Variants in LRRC45 observed in about 807,000 individuals in gnomAD.
The protein encoded by LRRC45 is leucine rich repeat containing 45, also known as leucine-rich repeat-containing protein 45.
LRRC45 carries 73 observed loss-of-function variants against 85.4 expected under a neutral mutation model. That is an observed-to-expected ratio of 0.85 (90% CI 0.71 to 1.04). LRRC45 has a LOEUF of 1.04. Among genes scored for constraint, LRRC45 ranks in the 50% least tolerant of loss-of-function variants. The pLI, the probability that LRRC45 is intolerant of heterozygous loss-of-function variation, is 0.00. For synonymous variants in LRRC45, 429 were observed against 386.0 expected (o/e 1.11, Z -1.31); for missense variants, 937 against 883.3 (o/e 1.06, Z -0.77).
At chr17:82,028,198 G>GT in intron 9 of LRRC45, 36 bp from the exon 10 acceptor site, 1 of 1,560,930 alleles carries the variant, frequency 6.4e-7, no homozygotes, top group Non-Finnish European at 8.7e-7. Context: ...TGGCGGCTTC[G>GT]TGACCCTCAC....
chr17:82,027,009 C>T lies in LRRC45; in HGVS notation c.772C>T (p.Gln258Ter), dbSNP rs779588893. 2 of 1,594,156 alleles carry T rather than the reference C, an allele frequency of 1.3e-6. No homozygotes were observed. Among genetic ancestry groups the T allele is most frequent in the Admixed American group, 3.5e-5 (2 of 56,752 alleles). ...GCACCTCCGGGAGGAGAAGTCCAAG[C>T]AGGTGAGGATGGCGCCTTCACTGAC... ...VQHLREEKSK[Q>*]FLDLMETIDK... Residue 258 changes from glutamine (Q) to a stop codon, truncating the protein, a stop_gained and splice_region_variant, in exon 6 of 17, where the codon CAG becomes TAG. Coordinates refer to ENST00000306688, the MANE Select transcript of LRRC45 (RefSeq NM_144999.4). LOFTEE classifies it high-confidence loss of function.
chr17:82,024,796 CTG>C (rs1250802409), intron 3 of LRRC45, 33 bp downstream of exon 3: 5 of 1,560,016 alleles, frequency 3.2e-6, no homozygotes, highest in Middle Eastern at 1.7e-4. Flanking sequence ...GGCCCTGTCT[CTG>C]TGTGGTTGAG....
rs557918634 is a variant in LRRC45 at position 82,030,963 on chromosome 17, A to T, written c.*158A>T. 7.8e-6 allele frequency: 4 copies of T among 514,914 alleles called. No homozygotes were observed. Among genetic ancestry groups the T allele is most frequent in the African/African-American group, 5.9e-5 (3 of 50,482 alleles). 31.9% of individuals were successfully genotyped at this position (514,914 alleles called of 1,614,324 possible). On this transcript the variant is annotated 3_prime_UTR_variant, in exon 17 of 17. Coordinates refer to ENST00000306688, the MANE Select transcript of LRRC45 (RefSeq NM_144999.4). ...TTGGTGGTGTCGCGGCTGCGGGGGA[A>T]CCCCGTGGGAGGCGCCTGGGAAGGG...
chr17:82,027,941 A>G lies in LRRC45; in HGVS notation c.912-70A>G. On this transcript the variant is annotated intron_variant, in intron 8 of 16. Transcript: ENST00000306688. ...TTGACTAGGTGCCCAGCAACAGTGA[A>G]AGCAGCGAGGCCTTTATAAGGCAAG... The G allele has an allele frequency of 3.2e-6, 5 of 1,544,696 alleles. No homozygotes were observed. The South Asian group carries it at 4.9e-5, about 15-fold the overall frequency.
In LRRC45 at chr17:82,031,100, C is replaced by T. The variant is rs930497394; in HGVS notation, c.*295C>T. The T allele has an allele frequency of 5.8e-5, 21 of 359,702 alleles. No individual in the cohort carries two copies. The highest frequency in any genetic ancestry group is 7.0e-5 in the Non-Finnish European group (14 of 200,860). 22.3% of individuals were successfully genotyped at this position (359,702 alleles called of 1,614,324 possible). On this transcript the variant is annotated 3_prime_UTR_variant, in exon 17 of 17. Coordinates refer to ENST00000306688, the MANE Select transcript of LRRC45 (RefSeq NM_144999.4). ...TGCGATGTCACCGTGAACGCTGCGG[C>T]CGCCTGCGCGCGGCGGGGTTTGGAA...
rs1275945982 is a variant in LRRC45, at chr17:82,030,596, C to T, written c.1817-13C>T. The stretch of plus-strand genomic sequence containing the variant: ...TGGGGCTGCGTCCGCTCACTGCGCT[C>T]CTTGCCCTGCAGTGATGGCGAGCGA... On this transcript the variant is annotated splice_polypyrimidine_tract_variant and intron_variant, in intron 16 of 16. Transcript: ENST00000306688. 1.4e-6 allele frequency: 2 copies of T among 1,460,998 alleles called. No homozygotes were observed. The highest frequency in any genetic ancestry group is 1.3e-5 in the South Asian group (1 of 74,988). 90.5% of individuals were successfully genotyped at this position (1,460,998 alleles called of 1,614,324 possible). A position where few individuals can be genotyped will look rare whatever the true frequency, so the allele number is the denominator to read the frequency against.
At chr17:82,024,385 C>G (rs550077176) in intron 2 of LRRC45, 46 bp downstream of exon 2, 84 of 1,606,532 alleles carry the variant, frequency 5.2e-5, no homozygotes, top group Non-Finnish European at 2.1e-5. Flanking sequence ...CACCCAAGGG[C>G]AAGAGGAGAG....
At chr17:82,029,370 C>A in intron 13 of LRRC45, 173 bp from the exon 14 acceptor site, 3 of 906,748 alleles carry the variant, frequency 3.3e-6, no homozygotes, top group African/African-American at 1.7e-5. Context: ...GGCATTCGGA[C>A]TTCCTTGGCC....
rs1333289677 is a variant in LRRC45, at chr17:82,027,125, G to A, written c.774+114G>A. Reference sequence around the variant, plus strand: ...ATCTTCCCTTCCTCGGGGCCCTGGAGCCTCTCTGAGTGGCTGGTACCAGGA... The same window carrying A: ...ATCTTCCCTTCCTCGGGGCCCTGGAACCTCTCTGAGTGGCTGGTACCAGGA... On this transcript the variant is annotated intron_variant, in intron 6 of 16. Coordinates refer to ENST00000306688, the MANE Select transcript of LRRC45 (RefSeq NM_144999.4). The A allele has an allele frequency of 7.0e-6, 7 of 994,162 alleles. 1 individual carries two copies. Among genetic ancestry groups the A allele is most frequent in the South Asian group, 5.7e-5 (4 of 70,262 alleles). 61.6% of individuals were successfully genotyped at this position (994,162 alleles called of 1,614,324 possible). A position where few individuals can be genotyped will look rare whatever the true frequency, so the allele number is the denominator to read the frequency against.
At chr17:82,024,160 C>G in intron 1 of LRRC45, 118 bp from the exon 2 acceptor site, 1 of 1,224,138 alleles carries the variant, frequency 8.2e-7, no homozygotes. Flanking sequence ...AGCGCCAACC[C>G]AGACCATCGG....
rs766533025 is a variant in LRRC45 at position 82,024,323 on chromosome 17, G to T, written c.266G>T (p.Arg89Leu). 2 of 1,612,446 alleles carry T rather than the reference G, an allele frequency of 1.2e-6. No homozygotes were observed. The highest frequency in any genetic ancestry group is 1.7e-5 in the Admixed American group (1 of 60,014). ...GGCCTGTGTGCCAACACCGTGCTGCGCTTTCTGGACTTAAAGGTGAGATAC... is the reference window on the plus strand; with the variant it reads ...GGCCTGTGTGCCAACACCGTGCTGCTCTTTCTGGACTTAAAGGTGAGATAC... ...LRGLCANTVL[R>L]FLDLKGNNLR... is the part of the protein sequence containing the mutation. The change falls in exon 2 of 17, where the codon CGC becomes CTC. Residue 89 changes from arginine to leucine, a missense_variant. Physicochemically the swap from Arg to Leu is moderately radical, Grantham distance 102. Coordinates refer to ENST00000306688, the MANE Select transcript of LRRC45 (RefSeq NM_144999.4).
Position 82,028,235 on chromosome 17 carries a change from A to T in LRRC45, c.1049A>T (p.Glu350Val). 1 of 1,572,454 alleles carries T rather than the reference A, an allele frequency of 6.4e-7. No individual in the cohort carries two copies. Among genetic ancestry groups the T allele is most frequent in the Non-Finnish European group, 8.6e-7 (1 of 1,158,736 alleles). Residue 350 changes from glutamate (E) to valine (V), a missense_variant and splice_region_variant, in exon 10 of 17, where the codon GAA becomes GTA. Physicochemically the swap from Glu to Val is moderately radical, Grantham distance 121. Transcript: ENST00000306688. ...QAKELKLEQQ[E>V]AAERESKLLR... ...ACCCATACCCCGTTCCCCTCCCAGG[A>T]AGCTGCAGAGCGGGAGTCTAAACTC...
Position 82,025,142 on chromosome 17 carries a change from C to A in LRRC45, c.496C>A (p.Leu166Ile). 6.2e-7 allele frequency: 1 copy of A among 1,608,820 alleles called. No individual in the cohort carries two copies. Among genetic ancestry groups the A allele is most frequent in the Non-Finnish European group, 8.5e-7 (1 of 1,177,606 alleles). The stretch of plus-strand genomic sequence containing the variant: ...TCACAAGGGCGCGGAGGAGCTGGCC[C>A]TAGCCCTGAAGGGCAACACCACCCT... ...ISHKGAEELA[L>I]ALKGNTTLQQ... The change falls in exon 4 of 17, where the codon CTA (leucine) becomes ATA (isoleucine). Residue 166 changes from leucine (L) to isoleucine (I), a missense_variant. Leu to Ile is a conservative substitution (Grantham distance 5, BLOSUM62 2). Transcript: ENST00000306688.
chr17:82,026,703 C>T (rs2043370999), intron 5 of LRRC45, 196 bp from the exon 6 acceptor site: 8 of 427,480 alleles, frequency 1.9e-5, no homozygotes, highest in South Asian at 6.1e-5. Context: ...CTCAGCCTCC[C>T]GAGTACCTGG....
intron 4 of LRRC45, 81 bp from the exon 5 acceptor site, chr17:82,025,298 C>T: frequency 1.3e-6 from 2 of 1,523,710 alleles, no homozygotes; most frequent in Non-Finnish European, 1.8e-6. Context: ...CAAGGCAGTG[C>T]CCCCTAGGGA....
Position 82,023,772 on chromosome 17 carries a change from G to C in LRRC45, c.129G>C (p.Thr43=). 1.9e-6 allele frequency: 3 copies of C among 1,562,772 alleles called. No homozygotes were observed. The highest frequency in any genetic ancestry group is 2.6e-6 in the Non-Finnish European group (3 of 1,156,586). ...GRLDLATQSL[T]VETCRALGKL... ...TGGACCTGGCCACGCAAAGCCTGACGGTGGAGACCTGCAGGGCCCTGGGCA... is the reference window on the plus strand; with the variant it reads ...TGGACCTGGCCACGCAAAGCCTGACCGTGGAGACCTGCAGGGCCCTGGGCA... The change falls in exon 1 of 17, where the codon ACG becomes ACC. Residue 43 remains threonine, a synonymous_variant. Coordinates refer to ENST00000306688, the MANE Select transcript of LRRC45 (RefSeq NM_144999.4).
In LRRC45 at chr17:82,025,481, TC is replaced by T; in HGVS notation, c.638del (p.Pro213LeufsTer50). 2 of 1,608,040 alleles carry T rather than the reference TC, an allele frequency of 1.2e-6. No individual in the cohort carries two copies. The highest frequency in any genetic ancestry group is 1.7e-6 in the Non-Finnish European group (2 of 1,177,232). Reference protein sequence around the residue: ...LWRLDLAGNNIPGDVLRAVEQ... With the variant: ...LWRLDLAGNNXPGDVLRAVEQ... ...AGACTGGACCTGGCTGGGAACAACA[TC>T]CCTGGAGACGTCCTCAGAGCCGTGG... On this transcript the variant is annotated frameshift_variant, in exon 5 of 17. Transcript: ENST00000306688. LOFTEE classifies it high-confidence loss of function.
At position 82,027,765 on chromosome 17, in the gene LRRC45, G is replaced by T; in HGVS notation, c.911+14G>T. 1 of 1,608,870 alleles carries T rather than the reference G, an allele frequency of 6.2e-7. No individual in the cohort carries two copies. Among genetic ancestry groups the T allele is most frequent in the Admixed American group, 1.7e-5 (1 of 59,514 alleles). ...TCTCAAGGCCAAGTAAGTGGGGGGT[G>T]GCCTCAGGATACTTCAGAGACGTGC... is the stretch of plus-strand genomic sequence containing the variant. On this transcript the variant is annotated intron_variant, in intron 8 of 16. Coordinates refer to ENST00000306688, the MANE Select transcript of LRRC45 (RefSeq NM_144999.4).
rs1166812944 is a variant in LRRC45, at chr17:82,030,062, C to G, written c.1495-3C>G. 4.5e-6 allele frequency: 7 copies of G among 1,542,980 alleles called. No individual in the cohort carries two copies. The highest frequency in any genetic ancestry group is 5.2e-6 in the Non-Finnish European group (6 of 1,146,692). On this transcript the variant is annotated splice_polypyrimidine_tract_variant and splice_region_variant and intron_variant, in intron 14 of 16. Coordinates refer to ENST00000306688, the MANE Select transcript of LRRC45 (RefSeq NM_144999.4). ...TGCTTCGTGGCGGCCCCTGTGCTCA[C>G]AGCAACAGCGCCTGGCTCACCTGGA...
Sources: allele counts gnomAD v4.1 joint callset, GRCh38; gene constraint gnomAD v4.1.1; transcripts MANE v1.5; gene names NCBI Gene and HGNC (gene_info 2026-07-23, HGNC 2026-07-21).